TMEM117: variants seen among roughly 807,000 people sequenced by gnomAD.
The protein encoded by TMEM117 is transmembrane protein 117.
Under a neutral mutation model 52.4 loss-of-function variants are expected in TMEM117, and 27 were observed. The observed-to-expected ratio is 0.51, with a 90% CI of 0.38 to 0.71. The LOEUF (loss-of-function observed/expected upper bound fraction) is 0.71. Ranked by LOEUF, TMEM117 falls within the 30% of genes least tolerant of loss-of-function variation. TMEM117 has a pLI of 0.00. For synonymous variants in TMEM117, 215 were observed against 206.3 expected (o/e 1.04, Z -0.36); for missense variants, 556 against 630.5 (o/e 0.88, Z 1.26).
At chr12:43,974,779 T>C (rs1319642634) in intron 3 of TMEM117, among the ~76,000 whole-genome samples, 1 of 152,198 alleles carries the variant, frequency 6.6e-6, no homozygotes, top group Non-Finnish European at 1.5e-5. Context: ...AATTATAAAG[T>C]AATTATGTCT....
intron 2 of TMEM117, among the ~76,000 whole-genome samples, chr12:43,866,984 G>T (rs1943611919): frequency 6.6e-6 from 1 of 152,056 alleles, no homozygotes; most frequent in Admixed American, 6.5e-5. Context: ...CAGATACTTG[G>T]GAGGTTGAAG....
chr12:43,902,944 A>G (rs1944328675), intron 2 of TMEM117, among the ~76,000 whole-genome samples: 2 of 152,178 alleles, frequency 1.3e-5, no homozygotes, highest in African/African-American at 4.8e-5. Flanking sequence ...TCCTAAAATT[A>G]TAGATCAAAA....
intron 2 of TMEM117, among the ~76,000 whole-genome samples, chr12:43,857,313 C>CTT (rs10625731): frequency 0.67 from 99,519 of 148,140 alleles, 38,062 homozygotes; most frequent in East Asian, 0.86. Flanking sequence ...TTTCTAGGTA[C>CTT]TTTTTTTTTT....
intron 2 of TMEM117, among the ~76,000 whole-genome samples, chr12:43,880,667 A>T (rs1943880482): frequency 6.6e-6 from 1 of 152,134 alleles, no homozygotes; most frequent in Non-Finnish European, 1.5e-5. Flanking sequence ...GCCATTTTCC[A>T]CAGAGCCAGA....
rs767822260 is a variant in TMEM117 at position 44,349,603 on chromosome 12, C to G, written c.769-26992C>G. 7.2e-4 allele frequency among the ~76,000 whole-genome samples: 109 copies of G among 152,118 alleles called. 2 individuals are homozygous for G. The highest frequency in any genetic ancestry group is 5.9e-4 in the Admixed American group (9 of 15,246). On this transcript the variant is annotated intron_variant, in intron 6 of 7. Transcript: ENST00000266534. The stretch of plus-strand genomic sequence containing the variant: ...GTCTGTGTCACTCCATGTGAGAATA[C>G]ATTCTGGAACCTGCATTTTATGTTC...
chr12:44,205,721 T>C lies in TMEM117; in HGVS notation c.511-5569T>C, dbSNP rs535125154. Among the ~76,000 whole-genome samples, 8 of 152,162 alleles carry C rather than the reference T, an allele frequency of 5.3e-5. No homozygotes were observed. In the South Asian group the frequency reaches 1.7e-3, roughly 32 times the overall value. On this transcript the variant is annotated intron_variant, in intron 4 of 7. Transcript: ENST00000266534. ...AATCAAACCACAATAAGATACCATC[T>C]CACACTAGTTAGAATGGCTATTAAA...
intron 4 of TMEM117, among the ~76,000 whole-genome samples, chr12:44,165,904 C>T (rs189821604): frequency 4.7e-4 from 71 of 152,304 alleles, no homozygotes; most frequent in Non-Finnish European, 8.5e-4. Flanking sequence ...ACATTTTATT[C>T]AACAGCTGCA....
chr12:44,395,061 G>A, the TMEM117 span, among the ~76,000 whole-genome samples: 2 of 152,174 alleles, frequency 1.3e-5, no homozygotes. Context: ...TTTAAAAACA[G>A]TTACTCTTGA....
intron 6 of TMEM117, 76 bp downstream of exon 6, chr12:44,299,815 G>A (rs1349117716): frequency 1.4e-5 from 21 of 1,529,638 alleles, no homozygotes; most frequent in Non-Finnish European, 1.7e-5. Flanking sequence ...TATGGCAACA[G>A]GCTCCATAAA....
intron 2 of TMEM117, among the ~76,000 whole-genome samples, chr12:43,883,239 TTTAG>T (rs1943929598): frequency 6.6e-6 from 1 of 152,208 alleles, no homozygotes; most frequent in African/African-American, 2.4e-5. Flanking sequence ...AAGAAGTGAT[TTTAG>T]TTATTTTGGA....
chr12:43,915,909 G>A (rs1406285022), intron 2 of TMEM117, among the ~76,000 whole-genome samples: 1 of 151,990 alleles, frequency 6.6e-6, no homozygotes, highest in Non-Finnish European at 1.5e-5. Context: ...AGGTATTACA[G>A]CTTCAGCACC....
In TMEM117 at chr12:43,944,352, C is replaced by T. The variant is rs1160958370; in HGVS notation, c.410+10C>T. 1 of 1,604,940 alleles carries T rather than the reference C, an allele frequency of 6.2e-7. No homozygotes were observed. Among genetic ancestry groups the T allele is most frequent in the East Asian group, 2.2e-5 (1 of 44,672 alleles). ...TGGATGGGAACATGGGGTAGGTTTT[C>T]TTTCCCCTTTCTACTGTGGTGAGTG... On this transcript the variant is annotated intron_variant, in intron 3 of 7. Transcript: ENST00000266534.
At chr12:43,987,053 T>A (rs1945859928) in intron 3 of TMEM117, among the ~76,000 whole-genome samples, 1 of 152,214 alleles carries the variant, frequency 6.6e-6, no homozygotes, top group African/African-American at 2.4e-5. Context: ...TGTGATTATA[T>A]TTGGCTACAG....
At chr12:44,332,378 A>T (rs74085108) in intron 6 of TMEM117, among the ~76,000 whole-genome samples, 32 of 152,204 alleles carry the variant, frequency 2.1e-4, no homozygotes, top group African/African-American at 7.7e-4. Flanking sequence ...TCTTTGGGTT[A>T]TGCCAAATTG....
intron 5 of TMEM117, among the ~76,000 whole-genome samples, chr12:44,259,237 G>A (rs1950294527): frequency 6.6e-6 from 1 of 152,080 alleles, no homozygotes; most frequent in African/African-American, 2.4e-5. Context: ...CCTACAATAT[G>A]AGTCCCTACA....
chr12:43,801,516 TTC>T, the TMEM117 span, among the ~76,000 whole-genome samples: 1 of 152,200 alleles, frequency 6.6e-6, no homozygotes, highest in Admixed American at 6.5e-5. Context: ...CATATATTAA[TTC>T]TGTCTATTGT....
intron 5 of TMEM117, among the ~76,000 whole-genome samples, chr12:44,290,853 G>A (rs1950695067): frequency 6.6e-6 from 1 of 152,076 alleles, no homozygotes; most frequent in Non-Finnish European, 1.5e-5. Context: ...GTTACCCAGG[G>A]TGGTCTGGAA....
chr12:44,247,917 C>T (rs1950150558), intron 5 of TMEM117, among the ~76,000 whole-genome samples: 1 of 152,170 alleles, frequency 6.6e-6, no homozygotes, highest in African/African-American at 2.4e-5. Context: ...TGTGGAACCT[C>T]TTATGCCAGG....
intron 3 of TMEM117, among the ~76,000 whole-genome samples, chr12:44,015,647 C>A (rs192307266): frequency 2.0e-5 from 3 of 152,174 alleles, no homozygotes; most frequent in Admixed American, 6.6e-5. Context: ...CAAAAATGTG[C>A]TTATAAATTA....
Sources: allele counts gnomAD v4.1 joint callset (sites outside exome capture counted in the v4.1 genomes callset), GRCh38; gene constraint gnomAD v4.1.1; transcripts MANE v1.5; gene names NCBI Gene and HGNC (gene_info 2026-07-23, HGNC 2026-07-21).